The following FOXN3 variants were observed in gnomAD, a reference collection of about 807,000 sequenced individuals.
The protein encoded by FOXN3 is forkhead box N3.
A neutral mutation model predicts 38.4 loss-of-function variants in FOXN3; 7 were observed. The observed-to-expected ratio is 0.18, with a 90% CI of 0.10 to 0.34. The LOEUF (loss-of-function observed/expected upper bound fraction) is 0.34, where lower values mean the gene tolerates loss of function less well. Ranked by LOEUF, FOXN3 falls within the 10% of genes least tolerant of loss-of-function variation. FOXN3 has a pLI of 1.00. For missense variants in FOXN3, 456 were observed against 613.4 expected (o/e 0.74, Z 2.71); for synonymous variants, 230 against 242.2 (o/e 0.95, Z 0.47).
chr14:89,292,138 G>A (rs999972213), intron 3 of FOXN3, among the ~76,000 whole-genome samples: 7 of 152,018 alleles, frequency 4.6e-5, no homozygotes, highest in Admixed American at 1.3e-4. Context: ...TTCTGCCTGC[G>A]CGTGCATCTT....
chr14:89,473,936 A>T (rs905195486), intron 1 of FOXN3, among the ~76,000 whole-genome samples: 3 of 152,258 alleles, frequency 2.0e-5, no homozygotes, highest in African/African-American at 7.2e-5. Context: ...GCTAAAAAAA[A>T]AAATAAATCC....
At chr14:89,328,809 C>T (rs1888153997) in intron 3 of FOXN3, among the ~76,000 whole-genome samples, 1 of 152,156 alleles carries the variant, frequency 6.6e-6, no homozygotes. Flanking sequence ...GACACCACGA[C>T]AAGGGTAGAG....
At chr14:89,190,692 A>AT (rs1232666956) in intron 4 of FOXN3, among the ~76,000 whole-genome samples, 2 of 152,198 alleles carry the variant, frequency 1.3e-5, no homozygotes, top group Non-Finnish European at 2.9e-5. Flanking sequence ...GTTTCTTCTC[A>AT]TTTTGTTAAT....
chr14:89,286,621 C>T (rs991302361), intron 3 of FOXN3, among the ~76,000 whole-genome samples: 9 of 152,106 alleles, frequency 5.9e-5, no homozygotes, highest in Non-Finnish European at 1.2e-4. Context: ...GAGAATCACC[C>T]ACCACAAAAA....
At chr14:89,406,023 A>G (rs1891380175) in intron 2 of FOXN3, among the ~76,000 whole-genome samples, 2 of 152,094 alleles carry the variant, frequency 1.3e-5, no homozygotes, top group African/African-American at 4.8e-5. Context: ...TTATTTCTGG[A>G]GACAGGATCT....
intron 3 of FOXN3, among the ~76,000 whole-genome samples, chr14:89,302,861 A>G (rs537155560): frequency 6.6e-6 from 1 of 152,346 alleles, no homozygotes; most frequent in Admixed American, 6.5e-5. Flanking sequence ...AAGGAGTCAC[A>G]GGCCACCAAG....
intron 1 of FOXN3, among the ~76,000 whole-genome samples, chr14:89,615,988 A>G (rs967005113): frequency 6.6e-5 from 10 of 152,252 alleles, no homozygotes; most frequent in African/African-American, 2.2e-4. Context: ...ATCAATTAAG[A>G]TAAAGCTATT....
rs184894882 is a variant in FOXN3, at chr14:89,190,365, T to C, written c.746-9559A>G. Reference sequence around the variant, plus strand: ...GTTCACAAACTATGGTGCTGTAGGCTATAGAAATATCTACTCACAACCTGC... The same window carrying C: ...GTTCACAAACTATGGTGCTGTAGGCCATAGAAATATCTACTCACAACCTGC... On this transcript the variant is annotated intron_variant, in intron 4 of 5. Coordinates refer to ENST00000557258, the MANE Select transcript of FOXN3 (RefSeq NM_005197.4). 3.4e-4 allele frequency: 548 copies of C among 1,592,764 alleles called. 3 individuals carry two copies. The South Asian group carries it at 4.1e-3, about 12-fold the overall frequency.
At chr14:89,549,931 T>A (rs1227375519) in intron 1 of FOXN3, among the ~76,000 whole-genome samples, 1 of 152,200 alleles carries the variant, frequency 6.6e-6, no homozygotes, top group African/African-American at 2.4e-5. Context: ...TTCATTCACA[T>A]TACATTTCTT....
At chr14:89,281,680 G>T (rs992603054) in intron 3 of FOXN3, among the ~76,000 whole-genome samples, 21 of 152,190 alleles carry the variant, frequency 1.4e-4, no homozygotes, top group African/African-American at 4.8e-4. Flanking sequence ...CGCATTCATA[G>T]ATGAGCATTT....
chr14:89,356,757 T>C (rs1229243739), intron 2 of FOXN3, among the ~76,000 whole-genome samples: 2 of 152,190 alleles, frequency 1.3e-5, no homozygotes, highest in Admixed American at 6.5e-5. Flanking sequence ...AAGGGTCCAC[T>C]TGTGAATACA....
At position 89,447,814 on chromosome 14, in the gene FOXN3, C is replaced by CTTTTTTTT. The variant is rs3057950; in HGVS notation, c.-14-35332_-14-35325dup. Reference sequence around the variant, plus strand: ...CAGTGGTTTCCTGATGCCTTTCTTCCTTTTTTTTTTTTTTTTTTTTTTGAG... The same window carrying CTTTTTTTT: ...CAGTGGTTTCCTGATGCCTTTCTTCCTTTTTTTTTTTTTTTTTTTTTTTTTTTTTTGAG... On this transcript the variant is annotated intron_variant, in intron 1 of 6. Transcript: ENST00000345097. 1.9e-3 allele frequency among the ~76,000 whole-genome samples: 173 copies of CTTTTTTTT among 92,776 alleles called. 16 individuals are homozygous for CTTTTTTTT. Among genetic ancestry groups the CTTTTTTTT allele is most frequent in the Middle Eastern group, 0.01 (1 of 100 alleles). 60.9% of individuals were successfully genotyped at this position (92,776 alleles called of 152,430 possible).
chr14:89,390,929 C>G (rs755471230), intron 2 of FOXN3, among the ~76,000 whole-genome samples: 1 of 152,146 alleles, frequency 6.6e-6, no homozygotes, highest in Non-Finnish European at 1.5e-5. Flanking sequence ...AAGCCCAAAG[C>G]CTCAGAACAG....
chr14:89,188,562 G>A lies in FOXN3; in HGVS notation c.746-7756C>T, dbSNP rs139365251. On this transcript the variant is annotated intron_variant, in intron 4 of 5. Coordinates refer to ENST00000557258, the MANE Select transcript of FOXN3 (RefSeq NM_005197.4). The stretch of plus-strand genomic sequence containing the variant: ...AATGGGTACTGCTCCGGTCCATTAC[G>A]TTTAAGCTGGCCCCATATAGCCTCT... 3.3e-4 allele frequency among the ~76,000 whole-genome samples: 50 copies of A among 152,310 alleles called. No homozygotes were observed. In the East Asian group the frequency reaches 7.5e-3, roughly 23 times the overall value.
chr14:89,376,662 C>T (rs1890485551), intron 2 of FOXN3, among the ~76,000 whole-genome samples: 1 of 152,124 alleles, frequency 6.6e-6, no homozygotes, highest in Admixed American at 6.6e-5. Flanking sequence ...TAACAGTGGA[C>T]AACCTGGTGA....
chr14:89,497,781 G>A (rs1893716063), intron 1 of FOXN3, among the ~76,000 whole-genome samples: 1 of 152,148 alleles, frequency 6.6e-6, no homozygotes, highest in Admixed American at 6.6e-5. Flanking sequence ...GGATCATATG[G>A]TAATTTTATA....
chr14:89,468,686 C>G (rs939138118), intron 1 of FOXN3, among the ~76,000 whole-genome samples: 2 of 152,108 alleles, frequency 1.3e-5, no homozygotes, highest in East Asian at 1.9e-4. Flanking sequence ...CTTCGTACCC[C>G]CTCCCTATCC....
intron 3 of FOXN3, among the ~76,000 whole-genome samples, chr14:89,293,746 C>T (rs1476953201): frequency 1.3e-5 from 2 of 151,992 alleles, no homozygotes; most frequent in African/African-American, 2.4e-5. Flanking sequence ...ATGAATGGAG[C>T]GGCGGTTGGG....
In FOXN3 at chr14:89,161,113, T is replaced by C. The variant is rs970035466; in HGVS notation, c.*1301A>G. 2.0e-5 allele frequency: 3 copies of C among 152,526 alleles called. No homozygotes were observed. Among genetic ancestry groups the C allele is most frequent in the Non-Finnish European group, 4.4e-5 (3 of 68,020 alleles). 9.4% of individuals were successfully genotyped at this position (152,526 alleles called of 1,614,324 possible). A position where few individuals can be genotyped will look rare whatever the true frequency, so the allele number is the denominator to read the frequency against. On this transcript the variant is annotated 3_prime_UTR_variant, in exon 6 of 6. Coordinates refer to ENST00000557258, the MANE Select transcript of FOXN3 (RefSeq NM_005197.4). ...TTGTTACTTTTGAATAAAAAAAGTT[T>C]GTTTTTGTGATTTTTTTCTCTTTTT...
Sources: gnomAD v4.1 joint callset for allele counts (sites outside exome capture counted in the v4.1 genomes callset) on GRCh38, gnomAD v4.1.1 for gene constraint, MANE v1.5 for transcripts, NCBI Gene and HGNC (gene_info 2026-07-23, HGNC 2026-07-21) for gene names.